HYDIN: variants seen among roughly 807,000 people sequenced by gnomAD.
The protein encoded by HYDIN is HYDIN axonemal central pair apparatus protein.
In HYDIN, 132 loss-of-function variants were observed where a neutral mutation model predicts 403.9. That is an observed-to-expected ratio of 0.33 (90% CI 0.28 to 0.38). The LOEUF (loss-of-function observed/expected upper bound fraction) is 0.38. HYDIN is among the 10% of genes least tolerant of loss of function. HYDIN has a pLI of 1.00. For missense variants in HYDIN, 2,827 were observed against 5,009.5 expected (o/e 0.56, Z 13.15); for synonymous variants, 1,202 against 1,891.7 (o/e 0.64, Z 9.46).
intron 66 of HYDIN, among the ~76,000 whole-genome samples, chr16:70,867,946 G>A (rs1328707819): frequency 1.3e-5 from 2 of 152,080 alleles, no homozygotes; most frequent in Non-Finnish European, 2.9e-5. Context: ...TGGGATTACA[G>A]GCATGAGCCA....
intron 13 of HYDIN, among the ~76,000 whole-genome samples, chr16:71,074,367 A>C (rs1371319846): frequency 1.3e-5 from 2 of 149,714 alleles, no homozygotes; most frequent in Non-Finnish European, 3.0e-5. Context: ...CCCTACTTGC[A>C]TATGTGGGGT....
At chr16:71,054,980 C>A (rs1252492942) in intron 18 of HYDIN, among the ~76,000 whole-genome samples, 1 of 152,282 alleles carries the variant, frequency 6.6e-6, no homozygotes, top group Non-Finnish European at 1.5e-5. Context: ...TTCAACACCC[C>A]TCTGCATAAA....
intron 52 of HYDIN, among the ~76,000 whole-genome samples, chr16:70,902,821 A>ATATTTTTTTTTTT: frequency 8.5e-5 from 4 of 47,306 alleles, no homozygotes; most frequent in African/African-American, 3.5e-4. Context: ...ATATATATAT[A>ATATTTTTTTTTTT]TTTTTTTTTT....
Position 70,850,598 on chromosome 16 carries a change from C to T in HYDIN, c.12501G>A (p.Leu4167=). The part of the protein sequence containing the change: ...PKQEGDVNFN[L]ICNVEKKVHP... ...GGACTTTCTTTTCCACATTGCAGAT[C>T]AAATTAAAGTTCACATCTCCTTCCT... is the stretch of plus-strand genomic sequence containing the variant. Residue 4167 remains leucine, a synonymous_variant, in exon 74 of 86, where the codon TTG becomes TTA. Transcript: ENST00000393567. The T allele has an allele frequency of 6.2e-7, 1 of 1,613,928 alleles. No individual in the cohort carries two copies. The highest frequency in any genetic ancestry group is 1.3e-5 in the African/African-American group (1 of 74,994).
rs753872026 is a variant in HYDIN, at chr16:70,882,801, C to T, written c.10074G>A (p.Gly3358=). The change falls in exon 60 of 86, where the codon GGG becomes GGA. Residue 3358 remains glycine, a synonymous_variant. Transcript: ENST00000393567. The part of the protein sequence containing the change: ...LHHILQTIES[G]GLFVEDENKF... ...TGTTCTCATCCTCGACGAACAGCCC[C>T]CCGCTCTCTATGGTCTGCAGGATGT... The T allele has an allele frequency of 9.3e-6, 14 of 1,506,068 alleles. No individual in the cohort carries two copies. In the Admixed American group the frequency reaches 2.3e-4, roughly 25 times the overall value. 93.3% of individuals were successfully genotyped at this position (1,506,068 alleles called of 1,614,324 possible).
At chr16:71,066,489 C>T (rs541980888) in intron 15 of HYDIN, 2 of 160,478 alleles carry the variant, frequency 1.2e-5, no homozygotes, top group East Asian at 1.8e-4. Context: ...GACATATTAG[C>T]ATGATTATCA....
intron 35 of HYDIN, among the ~76,000 whole-genome samples, chr16:70,972,921 G>A (rs1009873039): frequency 5.9e-5 from 9 of 152,204 alleles, no homozygotes; most frequent in Non-Finnish European, 1.3e-4. Flanking sequence ...TGCCAAATGA[G>A]TTTTAGTGCG....
intron 57 of HYDIN, among the ~76,000 whole-genome samples, chr16:70,891,393 T>C (rs2041459364): frequency 1.3e-5 from 2 of 152,184 alleles, no homozygotes; most frequent in Non-Finnish European, 2.9e-5. Context: ...TTCACCACAT[T>C]GGCCAGGCTG....
intron 84 of HYDIN, among the ~76,000 whole-genome samples, chr16:70,812,947 C>T (rs1259224395): frequency 6.6e-6 from 1 of 151,868 alleles, no homozygotes; most frequent in African/African-American, 2.4e-5. Flanking sequence ...AAGACTGTGG[C>T]TTCTATTCTT....
intron 67 of HYDIN, among the ~76,000 whole-genome samples, chr16:70,864,330 C>CAAAAAA (rs57022903): frequency 2.5e-4 from 1 of 4,008 alleles, no homozygotes; most frequent in African/African-American, 2.2e-3. Flanking sequence ...GACTCCGGCT[C>CAAAAAA]AAAAAAAAAA....
intron 7 of HYDIN, among the ~76,000 whole-genome samples, chr16:71,137,739 A>T (rs1258108462): frequency 1.3e-5 from 2 of 152,114 alleles, no homozygotes; most frequent in Non-Finnish European, 2.9e-5. Context: ...CATTCTTAAA[A>T]ATGCTTGTAC....
intron 5 of HYDIN, among the ~76,000 whole-genome samples, chr16:71,170,160 C>A (rs761056112): frequency 6.6e-6 from 1 of 152,196 alleles, no homozygotes; most frequent in Admixed American, 6.5e-5. Flanking sequence ...AGGAGAGGAT[C>A]AAGCATTTCT....
At chr16:70,922,450 T>C (rs2077024092) in intron 45 of HYDIN, among the ~76,000 whole-genome samples, 1 of 152,032 alleles carries the variant, frequency 6.6e-6, no homozygotes, top group Non-Finnish European at 1.5e-5. Flanking sequence ...AGAAAGAAAA[T>C]ACACACACTA....
intron 1 of HYDIN, among the ~76,000 whole-genome samples, chr16:71,224,073 G>C (rs1598070867): frequency 1.3e-5 from 2 of 152,196 alleles, no homozygotes; most frequent in South Asian, 2.1e-4. Flanking sequence ...AGTGGATAAA[G>C]AAAATGTAAA....
intron 23 of HYDIN, among the ~76,000 whole-genome samples, chr16:71,000,492 T>C (rs1438203375): frequency 1.3e-5 from 2 of 150,294 alleles, no homozygotes; most frequent in Non-Finnish European, 3.0e-5. Flanking sequence ...AGAAGTAGAC[T>C]GTATGGGCCC....
At chr16:70,885,920 T>C (rs2041102840) in intron 58 of HYDIN, among the ~76,000 whole-genome samples, 1 of 151,320 alleles carries the variant, frequency 6.6e-6, no homozygotes, top group Admixed American at 6.5e-5. Flanking sequence ...GAGTGCAGAA[T>C]ACCTGCTTCT....
At chr16:70,836,638 C>T (rs1421085973) in intron 77 of HYDIN, among the ~76,000 whole-genome samples, 1 of 152,188 alleles carries the variant, frequency 6.6e-6, no homozygotes, top group Non-Finnish European at 1.5e-5. Context: ...TGGCACTGAC[C>T]CACAATGAGC....
In HYDIN at chr16:70,896,268, A is replaced by G. The variant is rs530205096; in HGVS notation, c.9049-188T>C. 2.8e-4 allele frequency among the ~76,000 whole-genome samples: 42 copies of G among 151,922 alleles called. 1 individual carries two copies. In the East Asian group the frequency reaches 8.1e-3, roughly 29 times the overall value. Reference sequence around the variant, plus strand: ...TTAATACTCTGGGGAATGCTGGTACAAAGAATACAAGAATGGGGAAAAGGG... The same window carrying G: ...TTAATACTCTGGGGAATGCTGGTACGAAGAATACAAGAATGGGGAAAAGGG... On this transcript the variant is annotated intron_variant, in intron 53 of 85. Transcript: ENST00000393567.
At chr16:71,016,988 T>C (rs1378961263) in intron 23 of HYDIN, among the ~76,000 whole-genome samples, 4 of 151,032 alleles carry the variant, frequency 2.6e-5, no homozygotes, top group Non-Finnish European at 4.4e-5. Context: ...CGCAGGTGGT[T>C]TCCCCCATGC....
Sources: allele counts gnomAD v4.1 joint callset (sites outside exome capture counted in the v4.1 genomes callset), GRCh38; gene constraint gnomAD v4.1.1; transcripts MANE v1.5; gene names NCBI Gene and HGNC (gene_info 2026-07-23, HGNC 2026-07-21).